Variants in LRP1B observed in about 807,000 individuals in gnomAD.
LRP1B encodes low-density lipoprotein receptor-related protein 1B.
A neutral mutation model predicts 556.6 loss-of-function variants in LRP1B; 217 were observed. That is an observed-to-expected ratio of 0.39 (90% confidence interval 0.35 to 0.44). The LOEUF (loss-of-function observed/expected upper bound fraction) is 0.44. Ranked by LOEUF, LRP1B falls within the 20% of genes least tolerant of loss-of-function variation. The pLI is 1.00. For synonymous variants in LRP1B, 2,047 were observed against 1,865.8 expected (o/e 1.10, Z -2.50); for missense variants, 5,053 against 5,620.8 (o/e 0.90, Z 3.23).
chr2:140,310,812 GA>G (rs1347110051), intron 83 of LRP1B, among the ~76,000 whole-genome samples: 1 of 151,718 alleles, frequency 6.6e-6, no homozygotes, highest in African/African-American at 2.4e-5. Flanking sequence ...GAAAACCTAG[GA>G]AAAACTTTCC....
intron 4 of LRP1B, among the ~76,000 whole-genome samples, chr2:141,254,054 C>T (rs948492216): frequency 2.6e-5 from 4 of 151,956 alleles, no homozygotes; most frequent in Admixed American, 2.0e-4. Context: ...AGAATCCAGA[C>T]ATTTAAAATA....
At chr2:141,279,689 C>T (rs1470596717) in intron 3 of LRP1B, among the ~76,000 whole-genome samples, 1 of 152,108 alleles carries the variant, frequency 6.6e-6, no homozygotes, top group Non-Finnish European at 1.5e-5. Flanking sequence ...AAGCTATCCT[C>T]TCAACGAAGA....
chr2:141,898,770 A>G (rs1699531596), intron 1 of LRP1B, among the ~76,000 whole-genome samples: 1 of 152,130 alleles, frequency 6.6e-6, no homozygotes. Flanking sequence ...ATCAGGAGAT[A>G]TTACCTACAA....
chr2:140,916,769 C>T (rs1402891022), intron 21 of LRP1B, among the ~76,000 whole-genome samples: 1 of 152,174 alleles, frequency 6.6e-6, no homozygotes. Flanking sequence ...TTTCCCCATA[C>T]TTAGAGACAA....
At chr2:141,977,974 A>G (rs1012419803) in intron 1 of LRP1B, among the ~76,000 whole-genome samples, 2 of 152,146 alleles carry the variant, frequency 1.3e-5, no homozygotes, top group African/African-American at 4.8e-5. Flanking sequence ...ACTTTTCCAT[A>G]TTGTAACATT....
chr2:141,135,457 A>G (rs926493752), intron 7 of LRP1B, among the ~76,000 whole-genome samples: 1 of 152,014 alleles, frequency 6.6e-6, no homozygotes, highest in African/African-American at 2.4e-5. Flanking sequence ...AAAGAAATCA[A>G]CAAAACCAAC....
chr2:141,567,139 G>A (rs1686360084), intron 2 of LRP1B, among the ~76,000 whole-genome samples: 1 of 152,096 alleles, frequency 6.6e-6, no homozygotes, highest in African/African-American at 2.4e-5. Flanking sequence ...AAAAGGGCAA[G>A]TTTGATTGAA....
At chr2:141,167,747 AAATT>A (rs1324477775) in intron 7 of LRP1B, among the ~76,000 whole-genome samples, 4 of 151,986 alleles carry the variant, frequency 2.6e-5, no homozygotes, top group African/African-American at 9.7e-5. Context: ...TCGAGAAGTA[AAATT>A]AATAGTACTT....
At chr2:140,684,575 T>G (rs1268422292) in intron 41 of LRP1B, among the ~76,000 whole-genome samples, 1 of 152,212 alleles carries the variant, frequency 6.6e-6, no homozygotes, top group African/African-American at 2.4e-5. Flanking sequence ...CATTTTCAGA[T>G]ATTCATAGAT....
intron 1 of LRP1B, among the ~76,000 whole-genome samples, chr2:142,096,465 C>A (rs1706372896): frequency 1.3e-5 from 2 of 148,456 alleles, no homozygotes. Context: ...AAATTCTATT[C>A]TTCCAATGTG....
chr2:140,238,512 T>A (rs1011096932), intron 88 of LRP1B, among the ~76,000 whole-genome samples: 1 of 150,998 alleles, frequency 6.6e-6, no homozygotes, highest in African/African-American at 2.4e-5. Context: ...ACCTCCTAAA[T>A]AGCCGAAATG....
chr2:140,284,435 A>G (rs1683042935), intron 84 of LRP1B, among the ~76,000 whole-genome samples: 1 of 151,558 alleles, frequency 6.6e-6, no homozygotes, highest in African/African-American at 2.4e-5. Flanking sequence ...TTTCTATCTC[A>G]GATGAGAGCA....
At chr2:140,404,705 A>T (rs980532460) in intron 66 of LRP1B, among the ~76,000 whole-genome samples, 1 of 152,214 alleles carries the variant, frequency 6.6e-6, no homozygotes, top group African/African-American at 2.4e-5. Context: ...ACACACAAGG[A>T]TTCATATAAA....
chr2:141,040,651 G>C (rs561096465), intron 11 of LRP1B, among the ~76,000 whole-genome samples: 1 of 152,120 alleles, frequency 6.6e-6, no homozygotes, highest in South Asian at 2.1e-4. Context: ...GTGTGTGTCT[G>C]TGTGTCAGTA....
intron 1 of LRP1B, among the ~76,000 whole-genome samples, chr2:141,815,539 T>C (rs1473973467): frequency 2.0e-5 from 3 of 152,098 alleles, no homozygotes; most frequent in East Asian, 1.9e-4. Context: ...CAGCACTCTA[T>C]AAAATGCACC....
chr2:141,226,103 CAG>C (rs1258650633), intron 6 of LRP1B, among the ~76,000 whole-genome samples: 4 of 123,740 alleles, frequency 3.2e-5, no homozygotes, highest in African/African-American at 1.1e-4. Flanking sequence ...TCTAACTGCT[CAG>C]AGTCTCAATT....
At chr2:140,739,793 T>G (rs910731636) in intron 35 of LRP1B, among the ~76,000 whole-genome samples, 6 of 152,144 alleles carry the variant, frequency 3.9e-5, no homozygotes, top group Non-Finnish European at 8.8e-5. Context: ...AAAGGACTGA[T>G]ATCCAGAAAC....
chr2:140,872,388 T>A (rs1479449314), intron 25 of LRP1B, among the ~76,000 whole-genome samples: 3 of 132,170 alleles, frequency 2.3e-5, no homozygotes, highest in South Asian at 2.4e-4. Context: ...TTTTTTTTTT[T>A]ACTAAAGTAG....
chr2:141,533,641 T>C (rs1356383533), intron 2 of LRP1B, among the ~76,000 whole-genome samples: 1 of 152,186 alleles, frequency 6.6e-6, no homozygotes, highest in Non-Finnish European at 1.5e-5. Flanking sequence ...CACCATTAAC[T>C]TATACTGTCA....
Sources: allele counts gnomAD v4.1 joint callset (sites outside exome capture counted in the v4.1 genomes callset), GRCh38; gene constraint gnomAD v4.1.1; transcripts MANE v1.5; gene names NCBI Gene and HGNC (gene_info 2026-07-23, HGNC 2026-07-21).